Variants in FTCDNL1 observed in about 807,000 individuals in gnomAD.
The protein encoded by FTCDNL1 is formiminotransferase cyclodeaminase N-terminal like, also known as formiminotransferase N-terminal subdomain-containing protein.
In FTCDNL1, 11 loss-of-function variants were observed where a neutral mutation model predicts 5.9. The ratio of observed to expected loss-of-function variants is 1.87; its 90% CI spans 1.18 to 3.10. FTCDNL1 has a LOEUF of 3.10. Among genes scored for constraint, FTCDNL1 ranks in the 30% most tolerant of loss-of-function variants. The pLI, the probability that FTCDNL1 is intolerant of heterozygous loss-of-function variation, is 0.00. For synonymous variants in FTCDNL1, 58 were observed against 24.8 expected (o/e 2.34, Z -3.99); for missense variants, 115 against 65.5 (o/e 1.76, Z -2.61).
the FTCDNL1 span, among the ~76,000 whole-genome samples, chr2:199,722,701 A>C: frequency 6.6e-6 from 1 of 152,264 alleles, no homozygotes; most frequent in Non-Finnish European, 1.5e-5. Context: ...TGAATCTATA[A>C]ATTACTTTGG....
chr2:199,729,352 G>C, the FTCDNL1 span, among the ~76,000 whole-genome samples: 1 of 152,120 alleles, frequency 6.6e-6, no homozygotes, highest in African/African-American at 2.4e-5. Context: ...TTCTGGCCAG[G>C]GCAATCAGGC....
At chr2:199,790,675 C>G (rs1699879873) in intron 3 of FTCDNL1, among the ~76,000 whole-genome samples, 1 of 151,888 alleles carries the variant, frequency 6.6e-6, no homozygotes, top group Admixed American at 6.6e-5. Flanking sequence ...AAACATATTC[C>G]TTAAACATAT....
chr2:199,687,331 T>C, the FTCDNL1 span, among the ~76,000 whole-genome samples: 1 of 152,310 alleles, frequency 6.6e-6, no homozygotes, highest in African/African-American at 2.4e-5. Flanking sequence ...CACAGCTAAA[T>C]GTTTAGACAT....
intron 1 of FTCDNL1, 143 bp from the exon 2 acceptor site, chr2:199,849,112 G>C (rs769511203): frequency 7.9e-5 from 47 of 592,710 alleles, no homozygotes; most frequent in Non-Finnish European, 1.1e-4. Flanking sequence ...AAATTCTAAA[G>C]CATAAAATCT....
the FTCDNL1 span, among the ~76,000 whole-genome samples, chr2:199,697,234 T>G: frequency 6.6e-6 from 1 of 152,148 alleles, no homozygotes; most frequent in South Asian, 2.1e-4. Flanking sequence ...ATCACGCCGC[T>G]GTGCTCCAGC....
chr2:199,832,636 T>A (rs995061891), intron 3 of FTCDNL1, among the ~76,000 whole-genome samples: 1 of 152,132 alleles, frequency 6.6e-6, no homozygotes, highest in African/African-American at 2.4e-5. Context: ...TCTCAGAAGG[T>A]ACCTTATTTG....
At chr2:199,753,958 T>C in the FTCDNL1 span, among the ~76,000 whole-genome samples, 10 of 152,346 alleles carry the variant, frequency 6.6e-5, no homozygotes, top group East Asian at 1.9e-4. Context: ...TAATGAGTTA[T>C]TTATTAATGA....
the FTCDNL1 span, among the ~76,000 whole-genome samples, chr2:199,730,411 A>G: frequency 6.6e-6 from 1 of 152,376 alleles, no homozygotes; most frequent in South Asian, 2.1e-4. Context: ...GGCAATCTAC[A>G]GAATAGGAGA....
the FTCDNL1 span, among the ~76,000 whole-genome samples, chr2:199,666,955 G>A: frequency 6.6e-6 from 1 of 151,848 alleles, no homozygotes; most frequent in East Asian, 1.9e-4. Context: ...TAGTGAAGTG[G>A]AGTTGCTTTT....
chr2:199,695,662 A>G, the FTCDNL1 span, among the ~76,000 whole-genome samples: 1 of 152,112 alleles, frequency 6.6e-6, no homozygotes, highest in African/African-American at 2.4e-5. Context: ...GTGACCCACT[A>G]TCACCACAGA....
chr2:199,780,674 T>C (rs13029410), intron 3 of FTCDNL1, among the ~76,000 whole-genome samples: 5,646 of 152,218 alleles, frequency 0.037, 155 homozygotes, highest in Middle Eastern at 0.093. Context: ...CACACCCTCA[T>C]TTTTGGGGTT....
At chr2:199,752,151 T>A in the FTCDNL1 span, among the ~76,000 whole-genome samples, 1 of 152,132 alleles carries the variant, frequency 6.6e-6, no homozygotes, top group East Asian at 1.9e-4. Flanking sequence ...CTCACCTGTC[T>A]CCTTCTGCCT....
the FTCDNL1 span, among the ~76,000 whole-genome samples, chr2:199,687,191 GT>G: frequency 2.0e-5 from 3 of 152,002 alleles, no homozygotes; most frequent in Admixed American, 6.6e-5. Flanking sequence ...TGTAGTTGGA[GT>G]TTTTTTTCTA....
chr2:199,769,972 C>T (rs1698731842), intron 3 of FTCDNL1, among the ~76,000 whole-genome samples: 1 of 152,124 alleles, frequency 6.6e-6, no homozygotes, highest in East Asian at 1.9e-4. Flanking sequence ...TCCTCTAAAG[C>T]TCAGCTCACA....
chr2:199,744,751 C>T, the FTCDNL1 span, among the ~76,000 whole-genome samples: 1 of 152,222 alleles, frequency 6.6e-6, no homozygotes, highest in Non-Finnish European at 1.5e-5. Context: ...GTTTTCCTTA[C>T]GTCGGAGTTT....
chr2:199,668,356 T>C, the FTCDNL1 span, among the ~76,000 whole-genome samples: 5 of 152,160 alleles, frequency 3.3e-5, no homozygotes, highest in Non-Finnish European at 4.4e-5. Flanking sequence ...ATACCGCACA[T>C]AGCAGTAGTG....
the FTCDNL1 span, among the ~76,000 whole-genome samples, chr2:199,666,681 C>G: frequency 1.3e-5 from 2 of 152,078 alleles, no homozygotes; most frequent in African/African-American, 4.8e-5. Flanking sequence ...CTTTGGGAGG[C>G]CGAGGTGGGC....
At chr2:199,722,019 G>C in the FTCDNL1 span, among the ~76,000 whole-genome samples, 1 of 152,140 alleles carries the variant, frequency 6.6e-6, no homozygotes, top group Admixed American at 6.5e-5. Flanking sequence ...GTAGATTCTG[G>C]ATATTAGACC....
chr2:199,724,435 T>C, the FTCDNL1 span, among the ~76,000 whole-genome samples: 1 of 152,142 alleles, frequency 6.6e-6, no homozygotes, highest in African/African-American at 2.4e-5. Context: ...CTTTGGGGTC[T>C]GTTTGCTCTT....
Sources: allele counts gnomAD v4.1 joint callset (sites outside exome capture counted in the v4.1 genomes callset), GRCh38; gene constraint gnomAD v4.1.1; transcripts MANE v1.5; gene names NCBI Gene and HGNC (gene_info 2026-07-23, HGNC 2026-07-21).